SLC12A1: variants seen among roughly 807,000 people sequenced by gnomAD.
SLC12A1 encodes Na-K-2Cl cotransporter.
In SLC12A1, 89 loss-of-function variants were observed where a neutral mutation model predicts 130.4. That is an observed-to-expected ratio of 0.68 (90% CI 0.58 to 0.81). The LOEUF is 0.81. SLC12A1 is among the 40% of genes least tolerant of loss of function. The pLI is 0.00. For missense variants in SLC12A1, 1,310 were observed against 1,336.4 expected (o/e 0.98, Z 0.31); for synonymous variants, 499 against 460.0 (o/e 1.08, Z -1.09).
At chr15:48,267,947 T>C (rs988057078) in intron 18 of SLC12A1, among the ~76,000 whole-genome samples, 4 of 152,220 alleles carry the variant, frequency 2.6e-5, no homozygotes, top group African/African-American at 9.6e-5. Flanking sequence ...GCCACCAGCA[T>C]ACATTCTGCC....
chr15:48,220,478 A>T (rs937290485), intron 2 of SLC12A1, among the ~76,000 whole-genome samples, 156 bp from the exon 3 acceptor site: 9 of 152,286 alleles, frequency 5.9e-5, no homozygotes, highest in Non-Finnish European at 1.3e-4. Flanking sequence ...CAGGGCAAAA[A>T]ATATAAGTTT....
At position 48,301,331 on chromosome 15, in the gene SLC12A1, G is replaced by T; in HGVS notation, c.3113G>T (p.Arg1038Leu). The change falls in exon 26 of 27, where the codon CGA (arginine) becomes CTA (leucine). Residue 1038 changes from arginine (R) to leucine (L), a missense_variant. Physicochemically the swap from Arg to Leu is moderately radical, Grantham distance 102. Coordinates refer to ENST00000380993, the MANE Select transcript of SLC12A1 (RefSeq NM_000338.3). ...AVKEKSYRQVRLNELLQEHSR... is the reference protein window; with the variant it reads ...AVKEKSYRQVLLNELLQEHSR... ...TGCCCACAGAGTTACCGCCAAGTTCGACTGAATGAACTCTTACAGGAGCAC... is the reference window on the plus strand; with the variant it reads ...TGCCCACAGAGTTACCGCCAAGTTCTACTGAATGAACTCTTACAGGAGCAC... The T allele has an allele frequency of 6.2e-7, 1 of 1,601,214 alleles. No individual in the cohort carries two copies. The highest frequency in any genetic ancestry group is 1.1e-5 in the South Asian group (1 of 88,124).
chr15:48,254,123 A>G (rs1209141087), intron 15 of SLC12A1, among the ~76,000 whole-genome samples: 1 of 152,020 alleles, frequency 6.6e-6, no homozygotes, highest in African/African-American at 2.4e-5. Flanking sequence ...TTGAAGAGTA[A>G]AAGTTCTAAG....
chr15:48,225,877 A>C, intron 4 of SLC12A1: 1 of 984,872 alleles, frequency 1.0e-6, no homozygotes. Context: ...TCATCGGCTT[A>C]GCCGTGACAG....
chr15:48,261,164 T>G (rs2041770165), intron 17 of SLC12A1, among the ~76,000 whole-genome samples: 1 of 152,166 alleles, frequency 6.6e-6, no homozygotes, highest in Non-Finnish European at 1.5e-5. Flanking sequence ...TTGGGGTGTT[T>G]TTCTTCTCCA....
chr15:48,291,500 TTC>T (rs1382565607), intron 23 of SLC12A1, among the ~76,000 whole-genome samples: 1 of 152,180 alleles, frequency 6.6e-6, no homozygotes, highest in Non-Finnish European at 1.5e-5. Flanking sequence ...CAGATTTGCA[TTC>T]TGTTCCCTGT....
Position 48,288,112 on chromosome 15 carries a change from C to T in SLC12A1, c.2699C>T (p.Thr900Ile), listed in dbSNP as rs1363076337. The stretch of plus-strand genomic sequence containing the variant: ...AACCAGAAACTGGTGGAAGCCAGCA[C>T]TCAATTTAAAAAGAAACAAGAAAAA... ...EFNQKLVEAS[T>I]QFKKKQEKGT... The change falls in exon 22 of 27, where the codon ACT (threonine) becomes ATT (isoleucine). Residue 900 changes from threonine to isoleucine, a missense_variant. Transcript: ENST00000380993. 1 of 1,610,802 alleles carries T rather than the reference C, an allele frequency of 6.2e-7. No individual in the cohort carries two copies. The highest frequency in any genetic ancestry group is 1.7e-5 in the Admixed American group (1 of 59,498).
At chr15:48,255,973 G>A in intron 16 of SLC12A1, 63 bp downstream of exon 16, 3 of 964,106 alleles carry the variant, frequency 3.1e-6, no homozygotes, top group Non-Finnish European at 3.3e-6. Flanking sequence ...TCCTTTATAA[G>A]AGACAAGGGC....
Position 48,207,713 on chromosome 15 carries a change from T to G in SLC12A1, c.-7T>G. 6.5e-7 allele frequency: 1 copy of G among 1,542,702 alleles called. No homozygotes were observed. Among genetic ancestry groups the G allele is most frequent in the Non-Finnish European group, 8.7e-7 (1 of 1,148,962 alleles). ...TAGATAGCTCAGTAAAAAATCAATT[T>G]TGGAAGATGTCACTGAACAACTCTT... On this transcript the variant is annotated 5_prime_UTR_variant, in exon 2 of 27. Coordinates refer to ENST00000380993, the MANE Select transcript of SLC12A1 (RefSeq NM_000338.3).
intron 19 of SLC12A1, among the ~76,000 whole-genome samples, chr15:48,270,189 T>C (rs534868565): frequency 6.6e-6 from 1 of 152,256 alleles, no homozygotes; most frequent in East Asian, 1.9e-4. Context: ...CTCCCTCTGC[T>C]AAGAGGCTCC....
chr15:48,284,832 T>C (rs2042041105), intron 20 of SLC12A1, among the ~76,000 whole-genome samples: 1 of 152,102 alleles, frequency 6.6e-6, no homozygotes, highest in Non-Finnish European at 1.5e-5. Flanking sequence ...AGTTTCACCA[T>C]GTTGCCAAGT....
intron 10 of SLC12A1, among the ~76,000 whole-genome samples, chr15:48,243,548 C>T (rs750183562): frequency 3.3e-5 from 5 of 152,208 alleles, no homozygotes; most frequent in East Asian, 1.9e-4. Context: ...CCCAGATACT[C>T]GGGTGGCTGA....
intron 24 of SLC12A1, among the ~76,000 whole-genome samples, chr15:48,298,130 A>G (rs984405947): frequency 1.3e-5 from 2 of 152,232 alleles, no homozygotes; most frequent in African/African-American, 4.8e-5. Context: ...TTGGTGAGAT[A>G]ATTGAACTCA....
At chr15:48,256,825 C>CG (rs971062277) in intron 16 of SLC12A1, among the ~76,000 whole-genome samples, 5 of 140,346 alleles carry the variant, frequency 3.6e-5, no homozygotes, top group Admixed American at 1.4e-4. Context: ...ATCCCTGGCC[C>CG]CCCCCCCCAA....
At chr15:48,274,860 T>A (rs906167032) in intron 20 of SLC12A1, among the ~76,000 whole-genome samples, 10 of 152,166 alleles carry the variant, frequency 6.6e-5, no homozygotes, top group African/African-American at 2.4e-4. Flanking sequence ...ACCAGAAATA[T>A]AGAGGAATTC....
intron 20 of SLC12A1, among the ~76,000 whole-genome samples, 193 bp from the exon 21 acceptor site, chr15:48,284,913 G>A (rs1209320156): frequency 6.6e-6 from 1 of 152,078 alleles, no homozygotes; most frequent in African/African-American, 2.4e-5. Context: ...TTACAGGCAT[G>A]AGCTACCTCA....
intron 15 of SLC12A1, among the ~76,000 whole-genome samples, chr15:48,252,853 A>G (rs2041663390): frequency 6.6e-6 from 1 of 152,124 alleles, no homozygotes; most frequent in South Asian, 2.1e-4. Flanking sequence ...AACACACAGA[A>G]AGTTCCTGAG....
chr15:48,268,048 C>T (rs933766112), intron 18 of SLC12A1, among the ~76,000 whole-genome samples: 3 of 152,142 alleles, frequency 2.0e-5, no homozygotes, highest in Non-Finnish European at 2.9e-5. Context: ...TCTCATACTG[C>T]ATATAGCAAT....
chr15:48,218,206 G>C (rs1458630338), intron 2 of SLC12A1, among the ~76,000 whole-genome samples: 1 of 152,140 alleles, frequency 6.6e-6, no homozygotes, highest in East Asian at 1.9e-4. Context: ...TATAATAATG[G>C]TAATTAAGTG....
Sources: allele counts gnomAD v4.1 joint callset (sites outside exome capture counted in the v4.1 genomes callset), GRCh38; gene constraint gnomAD v4.1.1; transcripts MANE v1.5; gene names NCBI Gene and HGNC (gene_info 2026-07-23, HGNC 2026-07-21).